Variants in NDST1 observed in about 807,000 individuals in gnomAD.
NDST1 encodes bifunctional heparan sulfate N-deacetylase/N-sulfotransferase 1.
A neutral mutation model predicts 92.8 loss-of-function variants in NDST1; 35 were observed. The observed-to-expected ratio is 0.38, with a 90% confidence interval of 0.29 to 0.50. NDST1 has a LOEUF of 0.50. NDST1 is among the 20% of genes least tolerant of loss of function. The probability of loss-of-function intolerance (pLI) is 0.94; values close to 1 mark genes in which losing one functional copy is unlikely to be tolerated. For synonymous variants in NDST1, 493 were observed against 500.3 expected (o/e 0.99, Z 0.19); for missense variants, 822 against 1,182.7 (o/e 0.69, Z 4.47).
intron 1 of NDST1, among the ~76,000 whole-genome samples, chr5:150,520,591 C>T (rs1381656617): frequency 6.6e-6 from 1 of 152,180 alleles, no homozygotes; most frequent in African/African-American, 2.4e-5. Context: ...TTTGTAGATA[C>T]CATATGCTAG....
Position 150,521,172 on chromosome 5 carries a change from G to C in NDST1, c.-83G>C. ...TCTGTGAATTTGTTGGTCAGTGGACGATTCTCGTGTCTCCTCCTGTGTGGG... is the reference window on the plus strand; with the variant it reads ...TCTGTGAATTTGTTGGTCAGTGGACCATTCTCGTGTCTCCTCCTGTGTGGG... On this transcript the variant is annotated 5_prime_UTR_variant, in exon 2 of 15. Transcript: ENST00000261797. The surrounding 1 kb of genome is among the most constrained non-coding windows in gnomAD (Gnocchi z 5.9). The C allele has an allele frequency of 1.5e-6, 2 of 1,301,436 alleles. No individual in the cohort carries two copies. Among genetic ancestry groups the C allele is most frequent in the South Asian group, 2.7e-5 (2 of 75,466 alleles). 80.6% of individuals were successfully genotyped at this position (1,301,436 alleles called of 1,614,324 possible).
exon 1 of NDST1, chr5:150,497,933 G>C (rs775517587): frequency 6.6e-6 from 1 of 152,314 alleles, no homozygotes. Flanking sequence ...TCCTGTGATC[G>C]TGACCTGTCC....
At chr5:150,520,284 C>T (rs1004134941) in intron 1 of NDST1, among the ~76,000 whole-genome samples, 2 of 151,902 alleles carry the variant, frequency 1.3e-5, no homozygotes, top group Non-Finnish European at 2.9e-5. Flanking sequence ...GCACACATGC[C>T]CTGCAGCCTG....
At chr5:150,531,574 C>A (rs868443875) in intron 3 of NDST1, among the ~76,000 whole-genome samples, 15 of 149,036 alleles carry the variant, frequency 1.0e-4, no homozygotes, top group Middle Eastern at 3.5e-3. Flanking sequence ...TATCTCGGCT[C>A]CTGCAACCTC....
intron 10 of NDST1, among the ~76,000 whole-genome samples, chr5:150,543,482 G>A (rs1405715327): frequency 2.6e-5 from 4 of 152,204 alleles, no homozygotes; most frequent in African/African-American, 7.2e-5. Context: ...CCTAGTAGAG[G>A]TTCCCTTAAG....
intron 3 of NDST1, among the ~76,000 whole-genome samples, chr5:150,530,607 A>G (rs1463018098): frequency 7.3e-6 from 1 of 136,466 alleles, no homozygotes; most frequent in Non-Finnish European, 1.5e-5. Flanking sequence ...TCTGCCACCC[A>G]GGCTGGAGTG....
At chr5:150,535,600 A>G in intron 5 of NDST1, 100 bp from the exon 6 acceptor site, 4 of 1,451,378 alleles carry the variant, frequency 2.8e-6, no homozygotes, top group Non-Finnish European at 3.8e-6. Context: ...AGCCATGCCG[A>G]CCTAACCTCT....
chr5:150,514,139 G>C (rs192866694), intron 1 of NDST1, among the ~76,000 whole-genome samples: 10 of 152,332 alleles, frequency 6.6e-5, no homozygotes, highest in Admixed American at 5.9e-4. Flanking sequence ...CCCACCCATG[G>C]GTTCTGGGTT....
In NDST1 at chr5:150,527,998, G is replaced by A. The variant is rs1213092652; in HGVS notation, c.708G>A (p.Glu236=). Residue 236 remains glutamate (E), a synonymous_variant, in exon 3 of 15, where the codon GAG becomes GAA. Coordinates refer to ENST00000261797, the MANE Select transcript of NDST1 (RefSeq NM_001543.5). ...TCCAGTCAAATCACTCCACCTATGA[G>A]CCAGTGCTGCTGGCCAAGACGCGCT... is the stretch of plus-strand genomic sequence containing the variant. ...TVFQSNHSTY[E]PVLLAKTRSS... 2.5e-6 allele frequency: 4 copies of A among 1,613,702 alleles called. No homozygotes were observed. The East Asian group carries it at 6.7e-5, about 27-fold the overall frequency.
Position 150,520,418 on chromosome 5 carries a change from G to A in NDST1, c.-387-450G>A, listed in dbSNP as rs367969552. ...TCAAAGAGAGCAACGGGTTAGGAAG[G>A]GAATGGAATATGGTGAGGATGTGGT... On this transcript the variant is annotated intron_variant, in intron 1 of 14. Transcript: ENST00000261797. 1.0e-3 allele frequency among the ~76,000 whole-genome samples: 155 copies of A among 150,832 alleles called. 4 individuals are homozygous for A. In the South Asian group the frequency reaches 0.031, roughly 30 times the overall value.
intron 3 of NDST1, among the ~76,000 whole-genome samples, 194 bp from the exon 4 acceptor site, chr5:150,532,751 T>A (rs1184710663): frequency 6.6e-6 from 1 of 152,208 alleles, no homozygotes; most frequent in African/African-American, 2.4e-5. Context: ...GGTCTTGAAC[T>A]CCTGACCTCA....
At chr5:150,539,660 A>C (rs756215909) in intron 7 of NDST1, 3 of 985,148 alleles carry the variant, frequency 3.0e-6, no homozygotes, top group Non-Finnish European at 3.6e-6. Context: ...ATACACACAC[A>C]TATATGAACA....
At chr5:150,511,783 G>A (rs1753734288) in intron 1 of NDST1, among the ~76,000 whole-genome samples, 1 of 152,144 alleles carries the variant, frequency 6.6e-6, no homozygotes, top group South Asian at 2.1e-4. Context: ...GAAGGGATTT[G>A]CTTCTGGTCT....
Position 150,533,037 on chromosome 5 carries a change from G to A in NDST1, c.1096+5G>A, listed in dbSNP as rs578092080. On this transcript the variant is annotated splice_donor_5th_base_variant and intron_variant, in intron 4 of 14. Coordinates refer to ENST00000261797, the MANE Select transcript of NDST1 (RefSeq NM_001543.5). ...CAGGGAAATTCTTCCACACAGGTAA[G>A]TGGGCCTGCCCCTGCCCTCACTAGC... The A allele has an allele frequency of 1.2e-6, 2 of 1,613,934 alleles. No homozygotes were observed. Among genetic ancestry groups the A allele is most frequent in the Admixed American group, 1.7e-5 (1 of 60,026 alleles).
At chr5:150,503,317 C>A (rs1393487364), upstream of NDST1, among the ~76,000 whole-genome samples, 3 of 152,138 alleles carry the variant, frequency 2.0e-5, no homozygotes, top group African/African-American at 7.2e-5. Flanking sequence ...TGGCACACAC[C>A]TATAATCCCA....
At chr5:150,543,430 A>G (rs922126494) in intron 10 of NDST1, among the ~76,000 whole-genome samples, 1 of 152,190 alleles carries the variant, frequency 6.6e-6, no homozygotes, top group Non-Finnish European at 1.5e-5. Flanking sequence ...TTCCCACCAG[A>G]GCCTGCAGAG....
chr5:150,500,602 G>A (rs1459220498), intron 1 of NDST1, among the ~76,000 whole-genome samples: 1 of 152,220 alleles, frequency 6.6e-6, no homozygotes, highest in Admixed American at 6.5e-5. Flanking sequence ...TCACATTAGG[G>A]AACAGGTCAG....
chr5:150,504,072 A>G (rs1753346276), upstream of NDST1, among the ~76,000 whole-genome samples: 1 of 151,918 alleles, frequency 6.6e-6, no homozygotes, highest in Non-Finnish European at 1.5e-5. Flanking sequence ...GAGGTTGACA[A>G]TGGGTGGAAT....
rs1755861825 is a variant in NDST1 at position 150,556,029 on chromosome 5, T to G, written c.*2697T>G. ...GGGGTAGAAGGAGAGGCAGATAAGC[T>G]GCCTGGGGGGCTGTTAGCTAATGGG... On this transcript the variant is annotated 3_prime_UTR_variant, in exon 15 of 15. Transcript: ENST00000261797. The G allele has an allele frequency of 6.6e-6, 1 of 152,246 alleles. No homozygotes were observed. Among genetic ancestry groups the G allele is most frequent in the South Asian group, 2.1e-4 (1 of 4,832 alleles). 9.4% of individuals were successfully genotyped at this position (152,246 alleles called of 1,614,324 possible).
Sources: allele counts gnomAD v4.1 joint callset (sites outside exome capture counted in the v4.1 genomes callset), GRCh38; gene constraint gnomAD v4.1.1; non-coding constraint Gnocchi (gnomAD v3.1); transcripts MANE v1.5; gene names NCBI Gene and HGNC (gene_info 2026-07-23, HGNC 2026-07-21).